NXPE1: variants seen among roughly 807,000 people sequenced by gnomAD.
The protein encoded by NXPE1 is NXPE family member 1.
A neutral mutation model predicts 33.3 loss-of-function variants in NXPE1; 31 were observed. The ratio of observed to expected loss-of-function variants is 0.93; its 90% CI spans 0.70 to 1.26. The LOEUF (loss-of-function observed/expected upper bound fraction) is 1.26. Among genes scored for constraint, NXPE1 ranks in the 50% most tolerant of loss-of-function variants. The pLI is 0.00. For synonymous variants in NXPE1, 229 were observed against 231.4 expected (o/e 0.99, Z 0.09); for missense variants, 661 against 655.6 (o/e 1.01, Z -0.09).
chr11:114,538,351 T>C (rs1231345316), intron 5 of NXPE1, among the ~76,000 whole-genome samples: 13 of 152,176 alleles, frequency 8.5e-5, no homozygotes, highest in Admixed American at 5.9e-4. Context: ...GGCAGTACCA[T>C]TCAGGCCATA....
rs140232274 is a variant in NXPE1 at position 114,540,103 on chromosome 11, C to A, written c.100-9195G>T. 3.1e-4 allele frequency among the ~76,000 whole-genome samples: 47 copies of A among 152,304 alleles called. 1 individual carries two copies. Among genetic ancestry groups the A allele is most frequent in the African/African-American group, 8.7e-4 (36 of 41,566 alleles). On this transcript the variant is annotated intron_variant, in intron 5 of 8. Coordinates refer to ENST00000534921, the Ensembl canonical transcript of NXPE1. ...CCTGAATAGCTGGGATTACAGACGCCTGCCATCATGCCTGACTAATTTTTT... is the reference window on the plus strand; with the variant it reads ...CCTGAATAGCTGGGATTACAGACGCATGCCATCATGCCTGACTAATTTTTT...
Position 114,541,110 on chromosome 11 carries a change from G to C in NXPE1, c.99+9993C>G, listed in dbSNP as rs477836. On this transcript the variant is annotated intron_variant, in intron 5 of 8. Coordinates refer to ENST00000534921, the Ensembl canonical transcript of NXPE1. The stretch of plus-strand genomic sequence containing the variant: ...TTACTTATAACCACAGGTTGGGTCA[G>C]TTTGCAGTTTGAGTTGAACCAAGTT... Among the ~76,000 whole-genome samples, 1,280 of 152,150 alleles carry C rather than the reference G, an allele frequency of 8.4e-3. 10 individuals carry two copies. The highest frequency in any genetic ancestry group is 0.012 in the Non-Finnish European group (839 of 67,976).
intron 3 of NXPE1, 59 bp from the exon 4 acceptor site, chr11:114,551,500 G>C (rs1948481851): frequency 1.3e-6 from 1 of 797,328 alleles, no homozygotes; most frequent in East Asian, 6.2e-5. Context: ...TATTTTCTTA[G>C]TTACAAGACA....
chr11:114,547,542 C>G (rs1033473395), intron 5 of NXPE1, among the ~76,000 whole-genome samples: 2 of 152,122 alleles, frequency 1.3e-5, no homozygotes, highest in African/African-American at 4.8e-5. Context: ...TGAGACCAGC[C>G]TGGCCAACAT....
chr11:114,552,760 G>T, intron 2 of NXPE1, 92 bp downstream of exon 2: 2 of 408,562 alleles, frequency 4.9e-6, no homozygotes, highest in Non-Finnish European at 6.6e-6. Context: ...TGAAAAAAAA[G>T]TATGATTGCT....
chr11:114,554,593 C>T (rs1245738613), intron 1 of NXPE1, among the ~76,000 whole-genome samples: 1 of 152,094 alleles, frequency 6.6e-6, no homozygotes, highest in Non-Finnish European at 1.5e-5. Context: ...AATTAACATG[C>T]TAAATAACAA....
intron 2 of NXPE1, 93 bp downstream of exon 2, chr11:114,552,759 A>G (rs1287177754): frequency 7.4e-6 from 3 of 403,818 alleles, no homozygotes; most frequent in African/African-American, 2.2e-5. Flanking sequence ...TTGAAAAAAA[A>G]GTATGATTGC....
chr11:114,536,837 G>A (rs962902398), intron 5 of NXPE1, among the ~76,000 whole-genome samples: 8 of 152,076 alleles, frequency 5.3e-5, no homozygotes, highest in Non-Finnish European at 7.4e-5. Context: ...ATTCACAGCC[G>A]AATTCTACCA....
intron 5 of NXPE1, among the ~76,000 whole-genome samples, chr11:114,535,898 A>C (rs200655224): frequency 1.3e-4 from 20 of 152,102 alleles, no homozygotes; most frequent in African/African-American, 2.2e-4. Context: ...ACAAGGATAT[A>C]CAGGAATTGA....
chr11:114,557,961 T>G (rs1248166291), intron 1 of NXPE1, among the ~76,000 whole-genome samples: 6 of 152,014 alleles, frequency 3.9e-5, no homozygotes. Context: ...ATATGTTACC[T>G]CATTTTCCTT....
intron 5 of NXPE1, among the ~76,000 whole-genome samples, chr11:114,532,802 A>C (rs1214937592): frequency 6.6e-6 from 1 of 152,154 alleles, no homozygotes; most frequent in Non-Finnish European, 1.5e-5. Flanking sequence ...GTCATGGTTG[A>C]TTATGGGTGA....
intron 1 of NXPE1, among the ~76,000 whole-genome samples, chr11:114,557,434 C>G (rs1948677076): frequency 6.6e-6 from 1 of 151,654 alleles, no homozygotes; most frequent in African/African-American, 2.4e-5. Context: ...TTGCTATAGT[C>G]AGGCATTTCA....
chr11:114,538,943 C>G (rs1345959107), intron 5 of NXPE1, among the ~76,000 whole-genome samples: 4 of 152,018 alleles, frequency 2.6e-5, no homozygotes, highest in African/African-American at 9.7e-5. Flanking sequence ...GGTATATACC[C>G]AAAGGATTAT....
chr11:114,522,196 T>C (rs760190473), exon 9 of NXPE1: 2 of 1,614,128 alleles, frequency 1.2e-6, no homozygotes, highest in South Asian at 1.1e-5. Flanking sequence ...TAATAATCAC[T>C]TTAGTGGCTG....
chr11:114,523,349 G>A (rs571135189), intron 7 of NXPE1, among the ~76,000 whole-genome samples: 43 of 152,072 alleles, frequency 2.8e-4, no homozygotes, highest in Admixed American at 1.0e-3. Context: ...AAATCTTGAC[G>A]TTCTATCCTT....
At chr11:114,529,877 TG>T in intron 6 of NXPE1, 1 of 304,678 alleles carries the variant, frequency 3.3e-6, no homozygotes, top group East Asian at 5.8e-5. Context: ...AAATATGATA[TG>T]GGAGGTGAAG....
intron 5 of NXPE1, among the ~76,000 whole-genome samples, chr11:114,534,522 A>G (rs1947718806): frequency 6.6e-6 from 1 of 152,222 alleles, no homozygotes; most frequent in Non-Finnish European, 1.5e-5. Flanking sequence ...ATGGCAAAGA[A>G]GTTAAAAACT....
chr11:114,524,383 G>A (rs1037565180), intron 7 of NXPE1, among the ~76,000 whole-genome samples: 57 of 152,200 alleles, frequency 3.7e-4, no homozygotes, highest in Admixed American at 3.7e-3. Flanking sequence ...GTCTCTGGCT[G>A]CCTATGTCCA....
chr11:114,555,504 C>T (rs1228933569), intron 1 of NXPE1, among the ~76,000 whole-genome samples: 3 of 152,166 alleles, frequency 2.0e-5, no homozygotes, highest in Admixed American at 6.5e-5. Context: ...GGATTACAGG[C>T]GTGAGCCACC....
Sources: allele counts gnomAD v4.1 joint callset (sites outside exome capture counted in the v4.1 genomes callset), GRCh38; gene constraint gnomAD v4.1.1; transcripts MANE v1.5; gene names NCBI Gene and HGNC (gene_info 2026-07-23, HGNC 2026-07-21).